The following B4GALNT3 variants were observed in gnomAD, a reference collection of about 807,000 sequenced individuals.
B4GALNT3 encodes beta-1,4-N-acetyl-galactosaminyltransferase 3.
In B4GALNT3, 86 loss-of-function variants were observed where a neutral mutation model predicts 120.2. That is an observed-to-expected ratio of 0.72 (90% CI 0.60 to 0.86). The LOEUF is 0.86. Ranked by LOEUF, B4GALNT3 falls within the 40% of genes least tolerant of loss-of-function variation. The pLI, the probability that B4GALNT3 is intolerant of heterozygous loss-of-function variation, is 0.00. For synonymous variants in B4GALNT3, 518 were observed against 510.4 expected, an observed-to-expected ratio of 1.01 and a Z score of -0.20; for missense variants, 1,167 against 1,298.9, an observed-to-expected ratio of 0.90 and a Z score of 1.56.
intron 1 of B4GALNT3, among the ~76,000 whole-genome samples, chr12:504,762 C>G (rs1946480249): frequency 6.6e-6 from 1 of 152,076 alleles, no homozygotes; most frequent in Admixed American, 6.6e-5. Context: ...TTATCATCAC[C>G]ATGTTGTCAA....
intron 17 of B4GALNT3, 143 bp downstream of exon 17, chr12:558,231 C>T: frequency 1.0e-6 from 1 of 960,788 alleles, no homozygotes; most frequent in African/African-American, 1.6e-5. Context: ...TGCTGCAGGC[C>T]AGTGCTAGGG....
At chr12:505,533 A>T (rs2120553047) in intron 1 of B4GALNT3, among the ~76,000 whole-genome samples, 1 of 152,248 alleles carries the variant, frequency 6.6e-6, no homozygotes, top group South Asian at 2.1e-4. Flanking sequence ...TGAAATCAAG[A>T]ATTGGCGCTT....
intron 1 of B4GALNT3, among the ~76,000 whole-genome samples, chr12:462,538 A>G (rs1474805672): frequency 6.6e-6 from 1 of 150,784 alleles, no homozygotes; most frequent in Admixed American, 6.6e-5. Flanking sequence ...GGGTTTCCTT[A>G]TTTTTTATTT....
Position 562,088 on chromosome 12 carries a change from T to G in B4GALNT3, c.*637T>G, listed in dbSNP as rs1051190451. 8 of 152,206 alleles carry G rather than the reference T, an allele frequency of 5.3e-5. No individual in the cohort carries two copies. The allele number at this position is 152,206 out of a possible 1,614,324, so 9.4% of individuals were successfully genotyped here. ...AGCCACCAAACAGCTGGCCACTGAT[T>G]AGGGCATTAACTTCCTCCGGATGGC... On this transcript the variant is annotated 3_prime_UTR_variant, in exon 20 of 20. Transcript: ENST00000266383. This position sits in a 1 kb window ranked among gnomAD's most constrained non-coding sequence, Gnocchi z 5.2.
chr12:512,143 C>T (rs376691390), intron 1 of B4GALNT3, among the ~76,000 whole-genome samples: 3 of 80,314 alleles, frequency 3.7e-5, no homozygotes, highest in South Asian at 5.5e-4. Context: ...TTCCACCTTC[C>T]ACCTTCCGCC....
At position 546,636 on chromosome 12, in the gene B4GALNT3, A is replaced by G. The variant is rs1238770692; in HGVS notation, c.640-10A>G. ...GTTCCTCCCTCCTCTTCTCTCTTCC[A>G]CACCTCTAGACTGGAAAGGAGTGGA... On this transcript the variant is annotated splice_polypyrimidine_tract_variant and intron_variant, in intron 6 of 19. Transcript: ENST00000266383. 7 of 1,550,152 alleles carry G rather than the reference A, an allele frequency of 4.5e-6. No individual in the cohort carries two copies. In the South Asian group the frequency reaches 6.0e-5, roughly 13 times the overall value.
rs1319071899 is a variant in B4GALNT3 at position 459,990 on chromosome 12, G to T, written c.-387G>T. On this transcript the variant is annotated 5_prime_UTR_variant, in exon 1 of 20. Transcript: ENST00000266383. ...GCCCGGAGCCCGGTCCGGGGCTGGCGGGGGCGCGGGCGGAGGCAGGCGGGC... is the reference window on the plus strand; with the variant it reads ...GCCCGGAGCCCGGTCCGGGGCTGGCTGGGGCGCGGGCGGAGGCAGGCGGGC... Among the ~76,000 whole-genome samples, 2 of 151,474 alleles carry T rather than the reference G, an allele frequency of 1.3e-5. No individual in the cohort carries two copies. Among genetic ancestry groups the T allele is most frequent in the South Asian group, 4.2e-4 (2 of 4,800 alleles).
Position 543,989 on chromosome 12 carries a change from C to T in B4GALNT3, c.352-350C>T, listed in dbSNP as rs538874086. 2.7e-4 allele frequency among the ~76,000 whole-genome samples: 36 copies of T among 132,690 alleles called. 1 individual carries two copies. The highest frequency in any genetic ancestry group is 5.5e-3 in the Middle Eastern group (1 of 182). The allele number at this position is 132,690 out of a possible 152,430, so 87.0% of individuals were successfully genotyped here. On this transcript the variant is annotated intron_variant, in intron 3 of 19. Coordinates refer to ENST00000266383, the MANE Select transcript of B4GALNT3 (RefSeq NM_173593.4). Reference sequence around the variant, plus strand: ...TGCTCATCCTCCTGGAGCTGAGGAGCTGGGGCGGGCATGGGGTGCTCATCT... The same window carrying T: ...TGCTCATCCTCCTGGAGCTGAGGAGTTGGGGCGGGCATGGGGTGCTCATCT...
chr12:525,642 G>T (rs567083210), intron 1 of B4GALNT3, among the ~76,000 whole-genome samples: 2 of 152,154 alleles, frequency 1.3e-5, no homozygotes, highest in African/African-American at 4.8e-5. Context: ...AAGTCAGGGC[G>T]GAGTCACTTC....
In B4GALNT3 at chr12:479,787, T is replaced by C. The variant is rs1049265172; in HGVS notation, c.169+19242T>C. The stretch of plus-strand genomic sequence containing the variant: ...GAACACCGTGTCCAACTGAGGCCTT[T>C]AGTGGTCGGGTGATTTCTCTCTCGT... On this transcript the variant is annotated intron_variant, in intron 1 of 19. Transcript: ENST00000266383. Among the ~76,000 whole-genome samples the C allele has an allele frequency of 2.0e-5, 3 of 151,574 alleles. No individual in the cohort carries two copies. In the East Asian group the frequency reaches 5.8e-4, roughly 29 times the overall value.
chr12:500,865 C>CTTTTTTTTTATTTTTTT lies in B4GALNT3; in HGVS notation c.170-34292_170-34291insATTTTTTTTTTTTTTTT, dbSNP rs1946433537. On this transcript the variant is annotated intron_variant, in intron 1 of 19. Coordinates refer to ENST00000266383, the MANE Select transcript of B4GALNT3 (RefSeq NM_173593.4). ...CTGAATTTGAATCCTGGCTCCACTG[C>CTTTTTTTTTATTTTTTT]TTTTTTTTTTTTTTTTTTTTGACAC... 3.2e-5 allele frequency among the ~76,000 whole-genome samples: 2 copies of CTTTTTTTTTATTTTTTT among 61,830 alleles called. 1 individual carries two copies. Among genetic ancestry groups the CTTTTTTTTTATTTTTTT allele is most frequent in the African/African-American group, 1.5e-4 (2 of 13,344 alleles). The allele number at this position is 61,830 out of a possible 152,430, so 40.6% of individuals were successfully genotyped here. A position where few individuals can be genotyped will look rare whatever the true frequency, so the allele number is the denominator to read the frequency against.
In B4GALNT3 at chr12:460,505, G is replaced by A. The variant is rs1422908682; in HGVS notation, c.129G>A (p.Leu43=). The A allele has an allele frequency of 1.5e-5, 24 of 1,582,978 alleles. No homozygotes were observed. Among genetic ancestry groups the A allele is most frequent in the Non-Finnish European group, 2.0e-5 (23 of 1,165,208 alleles). Residue 43 remains leucine (L), a synonymous_variant, in exon 1 of 20, where the codon CTG becomes CTA. Transcript: ENST00000266383. The surrounding 1 kb of genome is among the most constrained non-coding windows in gnomAD (Gnocchi z 8.0). ...SVGLWTLYLE[L]VASAQVGGNP... The stretch of plus-strand genomic sequence containing the variant: ...GGCTCTGGACTCTGTATCTGGAACT[G>A]GTGGCGTCGGCCCAGGTCGGCGGGA...
At chr12:498,680 G>C (rs1186255857) in intron 1 of B4GALNT3, among the ~76,000 whole-genome samples, 1 of 152,186 alleles carries the variant, frequency 6.6e-6, no homozygotes, top group Non-Finnish European at 1.5e-5. Flanking sequence ...GGCGACGCTA[G>C]CTGGTGGAAG....
intron 1 of B4GALNT3, among the ~76,000 whole-genome samples, chr12:485,753 C>T (rs540631913): frequency 6.6e-6 from 1 of 152,098 alleles, no homozygotes; most frequent in East Asian, 1.9e-4. Flanking sequence ...GATTTTTAAA[C>T]CTAGTCAACT....
chr12:544,417 T>G lies in B4GALNT3; in HGVS notation c.430T>G (p.Phe144Val). The G allele has an allele frequency of 6.2e-7, 1 of 1,613,744 alleles. No homozygotes were observed. ...CCAGCAGCTCAGGAGGAACCTGCAT[T>G]TCCCACTGTACCCCCATGTGAGTGC... ...SIQQLRRNLHFPLYPHIRTTL... is the reference protein window; with the variant it reads ...SIQQLRRNLHVPLYPHIRTTL... Residue 144 changes from phenylalanine (F) to valine (V), a missense_variant, in exon 4 of 20, where the codon TTC becomes GTC. By Grantham distance (50) the Phe-to-Val change is conservative. Coordinates refer to ENST00000266383, the MANE Select transcript of B4GALNT3 (RefSeq NM_173593.4).
intron 1 of B4GALNT3, among the ~76,000 whole-genome samples, chr12:531,190 C>T (rs531396490): frequency 2.0e-5 from 3 of 152,036 alleles, no homozygotes; most frequent in African/African-American, 7.2e-5. Flanking sequence ...TATCCCAATG[C>T]ACAGCACAGC....
In B4GALNT3 at chr12:460,667, G is replaced by A. The variant is rs896331017; in HGVS notation, c.169+122G>A. 1.6e-5 allele frequency: 16 copies of A among 1,028,798 alleles called. No homozygotes were observed. Among genetic ancestry groups the A allele is most frequent in the Non-Finnish European group, 1.9e-5 (15 of 797,972 alleles). 63.7% of individuals were successfully genotyped at this position (1,028,798 alleles called of 1,614,324 possible). A position where few individuals can be genotyped will look rare whatever the true frequency, so the allele number is the denominator to read the frequency against. On this transcript the variant is annotated intron_variant, in intron 1 of 19. Transcript: ENST00000266383. This position sits in a 1 kb window ranked among gnomAD's most constrained non-coding sequence, Gnocchi z 8.0. The stretch of plus-strand genomic sequence containing the variant: ...GATTTCCCACCCATTTCTCCCTCAG[G>A]TGCCCGGCGTCGCCCCGCGCGTACT...
At chr12:469,736 T>G (rs1482920623) in intron 1 of B4GALNT3, among the ~76,000 whole-genome samples, 1 of 152,168 alleles carries the variant, frequency 6.6e-6, no homozygotes, top group East Asian at 1.9e-4. Context: ...CTCACTCTGC[T>G]GCATACCCCT....
rs997703589 is a variant in B4GALNT3, at chr12:548,797, C to G, written c.853+500C>G. Among the ~76,000 whole-genome samples, 2 of 152,156 alleles carry G rather than the reference C, an allele frequency of 1.3e-5. No homozygotes were observed. Among genetic ancestry groups the G allele is most frequent in the East Asian group, 3.8e-4 (2 of 5,200 alleles). ...TGGTGGCGCATGCCTGTAGTCACAG[C>G]TACTGGGAAGGATCGCTTGAGCCCA... is the stretch of plus-strand genomic sequence containing the variant. On this transcript the variant is annotated intron_variant, in intron 9 of 19. Coordinates refer to ENST00000266383, the MANE Select transcript of B4GALNT3 (RefSeq NM_173593.4). The surrounding 1 kb of genome is among the most constrained non-coding windows in gnomAD (Gnocchi z 4.9).
Sources: allele counts gnomAD v4.1 joint callset (sites outside exome capture counted in the v4.1 genomes callset), GRCh38; gene constraint gnomAD v4.1.1; non-coding constraint Gnocchi (gnomAD v3.1); transcripts MANE v1.5; gene names NCBI Gene and HGNC (gene_info 2026-07-23, HGNC 2026-07-21).